Variants in IFT140 observed in about 807,000 individuals in gnomAD.
IFT140 encodes intraflagellar transport protein 140 homolog.
In IFT140, 133 loss-of-function variants were observed where a neutral mutation model predicts 164.6. That is an observed-to-expected ratio of 0.81 (90% CI 0.70 to 0.93). The LOEUF is 0.93. Among genes scored for constraint, IFT140 ranks in the 40% least tolerant of loss-of-function variants. The pLI is 0.00. For synonymous variants in IFT140, 860 were observed against 817.3 expected, an observed-to-expected ratio of 1.05 and a Z score of -0.89; for missense variants, 2,045 against 1,972.3, an observed-to-expected ratio of 1.04 and a Z score of -0.70.
rs902188490 is a variant in IFT140, at chr16:1,598,863, G to C, written c.369+3507C>G. On this transcript the variant is annotated intron_variant, in intron 4 of 30. Coordinates refer to ENST00000426508, the MANE Select transcript of IFT140 (RefSeq NM_014714.4). ...CGTCTGGGAAGTGAGGAGTGTCTCT[G>C]CCTGGCCGCCCATCGTCTGGGATGT... Among the ~76,000 whole-genome samples, 4 of 151,252 alleles carry C rather than the reference G, an allele frequency of 2.6e-5. No individual in the cohort carries two copies. In the East Asian group the frequency reaches 7.9e-4, roughly 30 times the overall value.
chr16:1,555,117 C>T (rs2032985934), intron 19 of IFT140: 4 of 1,493,180 alleles, frequency 2.7e-6, no homozygotes, highest in Non-Finnish European at 3.6e-6. Context: ...ACTTCCCCTG[C>T]TCGTGCAGAG....
chr16:1,558,132 G>T lies in IFT140; in HGVS notation c.2202C>A (p.Pro734=). The part of the protein sequence containing the change: ...EVPYYYFTRK[P]EEADREDEVE... ...CCTCGTCTTCTCTGTCTGCTTCTTC[G>T]GGCTAAATGACAAAGGACCCATGTG... Residue 734 remains proline (P), a splice_region_variant and synonymous_variant, in exon 19 of 31, where the codon CCC becomes CCA. Transcript: ENST00000426508. 6.2e-7 allele frequency: 1 copy of T among 1,614,058 alleles called. No individual in the cohort carries two copies. The highest frequency in any genetic ancestry group is 8.5e-7 in the Non-Finnish European group (1 of 1,179,990).
At chr16:1,591,956 A>T (rs992307504) in intron 6 of IFT140, among the ~76,000 whole-genome samples, 8 of 152,204 alleles carry the variant, frequency 5.3e-5, no homozygotes, top group African/African-American at 1.9e-4. Context: ...AGCAAAACTC[A>T]ACTTGTCTAT....
intron 19 of IFT140, chr16:1,534,068 C>T (rs949548134): frequency 2.9e-5 from 18 of 619,794 alleles, no homozygotes; most frequent in African/African-American, 1.2e-4. Flanking sequence ...TCAGCACAGG[C>T]CTGGCCCTGC....
At chr16:1,576,824 A>G (rs552226016) in intron 13 of IFT140, 15 of 152,322 alleles carry the variant, frequency 9.8e-5, no homozygotes, top group African/African-American at 1.2e-4. Context: ...AAACCAACAG[A>G]AAGATGCGAT....
At chr16:1,600,800 G>C (rs1271741050) in intron 4 of IFT140, among the ~76,000 whole-genome samples, 1 of 151,616 alleles carries the variant, frequency 6.6e-6, no homozygotes, top group Non-Finnish European at 1.5e-5. Context: ...CGTTTGAAAT[G>C]AAAGTATTAT....
intron 10 of IFT140, 114 bp downstream of exon 10, chr16:1,586,016 C>T: frequency 4.9e-6 from 6 of 1,232,134 alleles, no homozygotes; most frequent in Non-Finnish European, 5.9e-6. Flanking sequence ...CATGATCCAC[C>T]CGCCTTGGCC....
intron 8 of IFT140, 86 bp downstream of exon 8, chr16:1,587,847 T>A: frequency 1.0e-6 from 1 of 1,003,368 alleles, no homozygotes; most frequent in Non-Finnish European, 1.5e-6. Context: ...ATTTTACATA[T>A]GCTCCATTCC....
In IFT140 at chr16:1,544,899, C is replaced by T. The variant is rs543835230; in HGVS notation, c.2399+13036G>A. On this transcript the variant is annotated intron_variant, in intron 19 of 30. Transcript: ENST00000426508. ...TCCTGACCTTGTGATCCGCCCGCCTCGGCCTCCCAAAGTGCTGGGATTACA... is the reference window on the plus strand; with the variant it reads ...TCCTGACCTTGTGATCCGCCCGCCTTGGCCTCCCAAAGTGCTGGGATTACA... Among the ~76,000 whole-genome samples, 91 of 151,708 alleles carry T rather than the reference C, an allele frequency of 6.0e-4. 2 individuals carry two copies. The East Asian group carries it at 0.013, about 22-fold the overall frequency.
chr16:1,586,803 C>T (rs1467264194), intron 9 of IFT140, among the ~76,000 whole-genome samples: 1 of 152,216 alleles, frequency 6.6e-6, no homozygotes, highest in East Asian at 1.9e-4. Context: ...ACCTCCCAGG[C>T]TCAAGCAATC....
chr16:1,528,078 G>A (rs1160123495), intron 19 of IFT140, among the ~76,000 whole-genome samples: 1 of 152,174 alleles, frequency 6.6e-6, no homozygotes, highest in Non-Finnish European at 1.5e-5. Context: ...GGGGCTGGGC[G>A]GGAGGTGGGT....
At chr16:1,525,454 G>A in intron 21 of IFT140, 128 bp from the exon 22 acceptor site, 1 of 716,840 alleles carries the variant, frequency 1.4e-6, no homozygotes, top group South Asian at 1.6e-5. Context: ...CTCCTGGCCT[G>A]CAGCTCTGCA....
rs769697171 is a variant in IFT140, at chr16:1,557,100, G to A, written c.2399+835C>T. On this transcript the variant is annotated intron_variant, in intron 19 of 30. Transcript: ENST00000426508. ...CTCCCAAAGTGCTGGGATTAAAGGC[G>A]TGAGCCACCGTGCCCCGGCCATATT... is the stretch of plus-strand genomic sequence containing the variant. Among the ~76,000 whole-genome samples, 6 of 149,842 alleles carry A rather than the reference G, an allele frequency of 4.0e-5. No homozygotes were observed. The East Asian group carries it at 1.2e-3, about 30-fold the overall frequency.
In IFT140 at chr16:1,518,282, G is replaced by T. The variant is rs771571765; in HGVS notation, c.4116C>A (p.Thr1372=). 6.2e-7 allele frequency: 1 copy of T among 1,614,122 alleles called. No individual in the cohort carries two copies. The highest frequency in any genetic ancestry group is 1.1e-5 in the South Asian group (1 of 91,084). Residue 1372 remains threonine (T), a synonymous_variant, in exon 30 of 31, where the codon ACC becomes ACA. Transcript: ENST00000426508. The part of the protein sequence containing the change: ...LLLEEPDLDS[T]IRIGDVYGFL... ...AGCCATAGACGTCCCCGATGCGGAT[G>T]GTGCTGTCCAGGTCTGGTTCCTCCA...
rs1447214263 is a variant in IFT140 at position 1,519,202 on chromosome 16, G to A, written c.4040+679C>T. ...CCTTCCAAGGGGCACCGCTTTGTAC[G>A]ACCTTGTTCAAAGGACTTCTGGAAC... On this transcript the variant is annotated intron_variant, in intron 29 of 30. Transcript: ENST00000426508. 1.6e-4 allele frequency among the ~76,000 whole-genome samples: 25 copies of A among 152,208 alleles called. 1 individual carries two copies. Among genetic ancestry groups the A allele is most frequent in the Admixed American group, 1.2e-3 (18 of 15,282 alleles).
At chr16:1,606,936 ACAGATG>A (rs2036099243) in intron 3 of IFT140, among the ~76,000 whole-genome samples, 178 bp downstream of exon 3, 1 of 151,562 alleles carries the variant, frequency 6.6e-6, no homozygotes, top group Non-Finnish European at 1.5e-5. Context: ...GCACACACAC[ACAGATG>A]CAGACATACA....
chr16:1,594,722 C>A (rs1297395470), intron 4 of IFT140, among the ~76,000 whole-genome samples: 2 of 152,224 alleles, frequency 1.3e-5, no homozygotes, highest in African/African-American at 4.8e-5. Flanking sequence ...ACAGGGACAG[C>A]CGGCGGGGCC....
At chr16:1,607,510 C>A (rs571588389) in intron 2 of IFT140, among the ~76,000 whole-genome samples, 118 of 152,300 alleles carry the variant, frequency 7.7e-4, no homozygotes, top group African/African-American at 2.7e-3. Flanking sequence ...CCCGGAATCA[C>A]CCAGGCTGTG....
intron 4 of IFT140, 38 bp downstream of exon 4, chr16:1,602,332 C>T (rs768518646): frequency 1.3e-6 from 2 of 1,570,818 alleles, no homozygotes; most frequent in East Asian, 2.2e-5. Flanking sequence ...CAGAAAGGGT[C>T]AAGGTCTGAA....
Sources: allele counts gnomAD v4.1 joint callset (sites outside exome capture counted in the v4.1 genomes callset), GRCh38; gene constraint gnomAD v4.1.1; transcripts MANE v1.5; gene names NCBI Gene and HGNC (gene_info 2026-07-23, HGNC 2026-07-21).